The following SPAG16 variants were observed in gnomAD, a reference collection of about 807,000 sequenced individuals.
The protein encoded by SPAG16 is sperm-associated antigen 16 protein.
SPAG16 carries 86 observed loss-of-function variants against 80.4 expected under a neutral mutation model. That is an observed-to-expected ratio of 1.07 (90% confidence interval 0.90 to 1.28). The LOEUF (loss-of-function observed/expected upper bound fraction) is 1.28, where lower values mean the gene tolerates loss of function less well. SPAG16 is among the 50% of genes most tolerant of loss of function. SPAG16 has a pLI of 0.00. For missense variants in SPAG16, 870 were observed against 765.3 expected (o/e 1.14, Z -1.61); for synonymous variants, 294 against 265.9 (o/e 1.11, Z -1.03).
intron 15 of SPAG16, among the ~76,000 whole-genome samples, chr2:214,235,670 A>T (rs1473192738): frequency 6.6e-6 from 1 of 152,170 alleles, no homozygotes; most frequent in Non-Finnish European, 1.5e-5. Context: ...GTGGTCGCCA[A>T]GGTTTTTTTT....
chr2:213,745,142 A>G (rs16850846), intron 10 of SPAG16, among the ~76,000 whole-genome samples: 3,687 of 152,298 alleles, frequency 0.024, 150 homozygotes, highest in African/African-American at 0.083. Context: ...TATACAATGC[A>G]ATTAATTAAA....
chr2:213,580,563 T>A (rs1175318567), intron 10 of SPAG16, among the ~76,000 whole-genome samples: 1 of 152,128 alleles, frequency 6.6e-6, no homozygotes. Flanking sequence ...CCCAAAAGAT[T>A]GTCATGATTC....
chr2:213,320,038 A>G (rs2063551764), intron 5 of SPAG16, among the ~76,000 whole-genome samples: 1 of 152,006 alleles, frequency 6.6e-6, no homozygotes, highest in South Asian at 2.1e-4. Context: ...AAGATTTGAA[A>G]GGAAGCTGCT....
At chr2:214,300,094 G>T (rs566421037) in intron 15 of SPAG16, among the ~76,000 whole-genome samples, 1 of 152,086 alleles carries the variant, frequency 6.6e-6, no homozygotes, top group African/African-American at 2.4e-5. Context: ...AAAGAGAACA[G>T]ATTTTTATTG....
intron 15 of SPAG16, among the ~76,000 whole-genome samples, chr2:214,389,428 A>T (rs1333128860): frequency 1.3e-5 from 2 of 152,246 alleles, no homozygotes; most frequent in African/African-American, 4.8e-5. Context: ...ATTGCAATGT[A>T]TGATGGTAGT....
chr2:213,630,263 A>C (rs1447715039), intron 10 of SPAG16, among the ~76,000 whole-genome samples: 1 of 152,134 alleles, frequency 6.6e-6, no homozygotes, highest in Non-Finnish European at 1.5e-5. Flanking sequence ...AGATGCCTGC[A>C]ATCCGAGCTA....
At chr2:214,378,574 C>T (rs1700264124) in intron 15 of SPAG16, among the ~76,000 whole-genome samples, 1 of 152,192 alleles carries the variant, frequency 6.6e-6, no homozygotes, top group South Asian at 2.1e-4. Flanking sequence ...AGCCCACCTT[C>T]TCATAATTAT....
chr2:214,113,705 T>A (rs1384912180), intron 14 of SPAG16, among the ~76,000 whole-genome samples: 1 of 152,234 alleles, frequency 6.6e-6, no homozygotes, highest in Admixed American at 6.5e-5. Context: ...CACTGTTTAT[T>A]CTAGTTAGCC....
chr2:214,357,895 A>G (rs1314611592), intron 15 of SPAG16, among the ~76,000 whole-genome samples: 4 of 151,922 alleles, frequency 2.6e-5, no homozygotes, highest in African/African-American at 9.7e-5. Flanking sequence ...AAACTATTAG[A>G]GTCAGGGCTT....
intron 11 of SPAG16, among the ~76,000 whole-genome samples, chr2:213,894,987 CAAAAAAAAAAAAAAAAAAA>C (rs71063793): frequency 1.0e-4 from 5 of 49,304 alleles, no homozygotes; most frequent in Middle Eastern, 0.025. Context: ...GGCTCCATCT[CAAAAAAAAAAAAAAAAAAA>C]AAAAAAAAAA....
intron 10 of SPAG16, among the ~76,000 whole-genome samples, chr2:213,672,919 C>G (rs2063876389): frequency 7.0e-6 from 1 of 143,524 alleles, no homozygotes; most frequent in Non-Finnish European, 1.5e-5. Context: ...AGTGCAGTGG[C>G]ACGATCTTGG....
At chr2:213,824,477 G>T (rs1421061280) in intron 10 of SPAG16, among the ~76,000 whole-genome samples, 1 of 152,174 alleles carries the variant, frequency 6.6e-6, no homozygotes, top group Non-Finnish European at 1.5e-5. Flanking sequence ...AGTTTTCCCA[G>T]CACTATTTAT....
In SPAG16 at chr2:213,520,223, T is replaced by C. The variant is rs1223631381; in HGVS notation, c.1070+30133T>C. On this transcript the variant is annotated intron_variant, in intron 10 of 15. Coordinates refer to ENST00000331683, the MANE Select transcript of SPAG16 (RefSeq NM_024532.5). ...GAGAAAGTCATGGGATGGTTTCTCT[T>C]TCACAGCCTCCAGAAGGAATATGCT... Among the ~76,000 whole-genome samples, 11 of 152,142 alleles carry C rather than the reference T, an allele frequency of 7.2e-5. 1 individual carries two copies. The highest frequency in any genetic ancestry group is 2.6e-4 in the African/African-American group (11 of 41,514).
At chr2:213,843,110 C>T (rs994301563) in intron 10 of SPAG16, among the ~76,000 whole-genome samples, 1 of 151,666 alleles carries the variant, frequency 6.6e-6, no homozygotes, top group African/African-American at 2.4e-5. Context: ...TTATTGTAGA[C>T]ATCTTTTTTT....
intron 12 of SPAG16, among the ~76,000 whole-genome samples, chr2:214,008,612 G>A (rs1399262300): frequency 6.6e-6 from 1 of 152,072 alleles, no homozygotes; most frequent in Non-Finnish European, 1.5e-5. Context: ...TGGTGTGCTG[G>A]CACAGGCCTG....
intron 13 of SPAG16, among the ~76,000 whole-genome samples, chr2:214,057,738 C>T (rs1296775712): frequency 6.6e-6 from 1 of 152,134 alleles, no homozygotes; most frequent in Non-Finnish European, 1.5e-5. Context: ...TTCATCTGTA[C>T]TGAAAATCTG....
chr2:213,486,109 G>A (rs1010576788), intron 9 of SPAG16, among the ~76,000 whole-genome samples: 1 of 152,050 alleles, frequency 6.6e-6, no homozygotes, highest in Non-Finnish European at 1.5e-5. Flanking sequence ...ATTTTGAAAT[G>A]TACAATAGAT....
chr2:213,836,658 G>A (rs530199818), intron 10 of SPAG16, among the ~76,000 whole-genome samples: 4 of 151,328 alleles, frequency 2.6e-5, no homozygotes, highest in Non-Finnish European at 4.4e-5. Context: ...TGTTGCCCAG[G>A]CTGGAGTGCA....
intron 15 of SPAG16, among the ~76,000 whole-genome samples, chr2:214,215,679 G>A (rs2058414218): frequency 6.6e-6 from 1 of 152,110 alleles, no homozygotes; most frequent in South Asian, 2.1e-4. Flanking sequence ...ACTCTTTCCC[G>A]TACTGTTGCA....
Sources: gnomAD v4.1 joint callset for allele counts (sites outside exome capture counted in the v4.1 genomes callset) on GRCh38, gnomAD v4.1.1 for gene constraint, MANE v1.5 for transcripts, NCBI Gene and HGNC (gene_info 2026-07-23, HGNC 2026-07-21) for gene names.